The following IL18RAP variants were observed in gnomAD, a reference collection of about 807,000 sequenced individuals.
IL18RAP encodes interleukin 18 receptor accessory protein, also known as interleukin-18 receptor accessory protein.
In IL18RAP, 37 loss-of-function variants were observed where a neutral mutation model predicts 58.1. That is an observed-to-expected ratio of 0.64 (90% CI 0.49 to 0.84). The LOEUF (loss-of-function observed/expected upper bound fraction) is 0.84. Ranked by LOEUF, IL18RAP falls within the 40% of genes least tolerant of loss-of-function variation. The pLI is 0.00. For synonymous variants in IL18RAP, 268 were observed against 257.5 expected, an observed-to-expected ratio of 1.04 and a Z score of -0.39; for missense variants, 667 against 704.8, an observed-to-expected ratio of 0.95 and a Z score of 0.61.
chr2:102,423,585 A>C (rs1228233356), intron 1 of IL18RAP, among the ~76,000 whole-genome samples: 3 of 152,222 alleles, frequency 2.0e-5, no homozygotes, highest in Non-Finnish European at 4.4e-5. Context: ...GGGATGAGCC[A>C]GAGTTCTACC....
intron 9 of IL18RAP, 49 bp from the exon 10 acceptor site, chr2:102,451,717 T>A: frequency 6.7e-7 from 1 of 1,499,680 alleles, no homozygotes; most frequent in Non-Finnish European, 9.1e-7. Context: ...CCTCTCTGAC[T>A]CAAGGTTTAA....
At chr2:102,426,776 T>C (rs1401788459) in intron 3 of IL18RAP, among the ~76,000 whole-genome samples, 3 of 152,166 alleles carry the variant, frequency 2.0e-5, no homozygotes, top group Admixed American at 1.3e-4. Context: ...AAACTTACTC[T>C]CTTAGTTATT....
intron 4 of IL18RAP, among the ~76,000 whole-genome samples, chr2:102,437,684 T>C (rs1218051658): frequency 6.6e-6 from 1 of 152,220 alleles, no homozygotes; most frequent in Non-Finnish European, 1.5e-5. Flanking sequence ...GTTTTAACTA[T>C]GTTACCATTT....
upstream of IL18RAP, among the ~76,000 whole-genome samples, chr2:102,422,177 C>A (rs560708433): frequency 1.8e-4 from 28 of 152,274 alleles, no homozygotes; most frequent in South Asian, 5.4e-3. Flanking sequence ...GTGGCCAAAC[C>A]AAGACTCTTT....
Position 102,437,242 on chromosome 2 carries a change from A to C in IL18RAP, c.610A>C (p.Asn204His). ...NGKLLSVERSNRIVVDEVYDY... is the reference protein window; with the variant it reads ...NGKLLSVERSHRIVVDEVYDY... ...AAAACTCCTCTCTGTGGAAAGGAGC[A>C]ACCGAATCGTAGTGGATGAAGTTTA... is the stretch of plus-strand genomic sequence containing the variant. The change falls in exon 4 of 10, where the codon AAC becomes CAC. Residue 204 changes from asparagine (N) to histidine (H), a missense_variant. By Grantham distance (68) the Asn-to-His change is moderately conservative (BLOSUM62 1). Coordinates refer to ENST00000687160, the MANE Select transcript of IL18RAP (RefSeq NM_001393487.1). The C allele has an allele frequency of 6.2e-7, 1 of 1,612,914 alleles. No homozygotes were observed. Among genetic ancestry groups the C allele is most frequent in the Non-Finnish European group, 8.5e-7 (1 of 1,179,524 alleles).
At chr2:102,433,108 C>T (rs879278314) in intron 3 of IL18RAP, among the ~76,000 whole-genome samples, 2 of 152,022 alleles carry the variant, frequency 1.3e-5, no homozygotes, top group Admixed American at 6.6e-5. Flanking sequence ...AGGACTTGCA[C>T]CTTGAATAAC....
chr2:102,423,054 C>T (rs1050034134), upstream of IL18RAP: 24 of 574,904 alleles, frequency 4.2e-5, no homozygotes, highest in African/African-American at 4.3e-4. Flanking sequence ...ATTGGAAATA[C>T]TCACGTAAGT....
chr2:102,452,136 T>C lies in IL18RAP; in HGVS notation c.1755T>C (p.Ser585=). 1 of 1,613,502 alleles carries C rather than the reference T, an allele frequency of 6.2e-7. No homozygotes were observed. The highest frequency in any genetic ancestry group is 8.5e-7 in the Non-Finnish European group (1 of 1,179,786). Residue 585 remains serine (S), a synonymous_variant, in exon 10 of 10, where the codon AGT becomes AGC. Transcript: ENST00000687160. Reference sequence around the variant, plus strand: ...GGATTTTTCAGTGGAAAGGACTCAGTAGAACAGAAACCACTGGGAGGAGCT... The same window carrying C: ...GGATTTTTCAGTGGAAAGGACTCAGCAGAACAGAAACCACTGGGAGGAGCT... ...TSRIFQWKGL[S]RTETTGRSSQ...
At chr2:102,448,712 C>A (rs1320696063) in intron 8 of IL18RAP, among the ~76,000 whole-genome samples, 1 of 152,038 alleles carries the variant, frequency 6.6e-6, no homozygotes, top group Non-Finnish European at 1.5e-5. Context: ...GTAATCCCAG[C>A]ACTTTGGGAG....
intron 4 of IL18RAP, among the ~76,000 whole-genome samples, chr2:102,440,696 G>A (rs1683052752): frequency 6.6e-6 from 1 of 151,856 alleles, no homozygotes; most frequent in African/African-American, 2.4e-5. Flanking sequence ...GGGAGAAGGA[G>A]GTCTCTGAGA....
In IL18RAP at chr2:102,448,960, C is replaced by CAAA. The variant is rs10566180; in HGVS notation, c.1210+1775_1210+1777dup. Among the ~76,000 whole-genome samples the CAAA allele has an allele frequency of 1.2e-4, 8 of 67,232 alleles. 1 individual carries two copies. The East Asian group carries it at 4.1e-3, about 34-fold the overall frequency. The allele number at this position is 67,232 out of a possible 152,430, so 44.1% of individuals were successfully genotyped here. A position where few individuals can be genotyped will look rare whatever the true frequency, so the allele number is the denominator to read the frequency against. On this transcript the variant is annotated intron_variant, in intron 8 of 9. Coordinates refer to ENST00000687160, the MANE Select transcript of IL18RAP (RefSeq NM_001393487.1). Reference sequence around the variant, plus strand: ...TGGATGGCAGAGCGATACCCTATCTCAAAAAAAAAAAAAAAAAAAAAAAAG... The same window carrying CAAA: ...TGGATGGCAGAGCGATACCCTATCTCAAAAAAAAAAAAAAAAAAAAAAAAAAAG...
intron 3 of IL18RAP, among the ~76,000 whole-genome samples, chr2:102,425,539 GAA>G (rs1681886276): frequency 6.6e-6 from 1 of 152,142 alleles, no homozygotes; most frequent in South Asian, 2.1e-4. Context: ...CCTAATTTCA[GAA>G]ACATTCATTT....
chr2:102,437,054 C>T (rs1395717273), intron 3 of IL18RAP, among the ~76,000 whole-genome samples, 158 bp from the exon 4 acceptor site: 1 of 152,162 alleles, frequency 6.6e-6, no homozygotes, highest in Non-Finnish European at 1.5e-5. Context: ...TCTACAAGTA[C>T]AGTTTTTGAA....
upstream of IL18RAP, chr2:102,418,701 G>A (rs982312820): frequency 5.3e-5 from 8 of 152,252 alleles, no homozygotes; most frequent in Admixed American, 5.2e-4. Flanking sequence ...AATGTCCATG[G>A]TCATTTACAA....
chr2:102,451,733 TC>T (rs1396419085), intron 9 of IL18RAP, 32 bp from the exon 10 acceptor site: 2 of 1,565,140 alleles, frequency 1.3e-6, no homozygotes, highest in Admixed American at 1.8e-5. Context: ...TTTAACAATA[TC>T]CATTGCAAAT....
intron 1 of IL18RAP, 100 bp downstream of exon 1, chr2:102,423,447 C>A (rs1272440624): frequency 3.5e-5 from 35 of 994,332 alleles, no homozygotes; most frequent in Non-Finnish European, 5.1e-5. Context: ...TTAATACAAA[C>A]CTTTCCATCC....
At chr2:102,430,353 T>C (rs887866161) in intron 3 of IL18RAP, among the ~76,000 whole-genome samples, 1 of 152,072 alleles carries the variant, frequency 6.6e-6, no homozygotes, top group African/African-American at 2.4e-5. Context: ...AAAGTCTATT[T>C]TGTCTGATAT....
intron 3 of IL18RAP, among the ~76,000 whole-genome samples, chr2:102,433,604 G>A (rs1330940147): frequency 6.6e-6 from 1 of 151,956 alleles, no homozygotes; most frequent in African/African-American, 2.4e-5. Context: ...AGTGCACTGA[G>A]CTAGAGACTT....
At chr2:102,426,555 G>T (rs1245063119) in intron 3 of IL18RAP, among the ~76,000 whole-genome samples, 1 of 151,872 alleles carries the variant, frequency 6.6e-6, no homozygotes, top group Non-Finnish European at 1.5e-5. Context: ...AAGATGCCAA[G>T]AACTCACAAT....
Sources: allele counts gnomAD v4.1 joint callset (sites outside exome capture counted in the v4.1 genomes callset), GRCh38; gene constraint gnomAD v4.1.1; transcripts MANE v1.5; gene names NCBI Gene and HGNC (gene_info 2026-07-23, HGNC 2026-07-21).